CSMD1: variants seen among roughly 807,000 people sequenced by gnomAD.
CSMD1 encodes CUB and Sushi multiple domains 1.
CSMD1 carries 213 observed loss-of-function variants against 417.5 expected under a neutral mutation model. That is an observed-to-expected ratio of 0.51 (90% CI 0.46 to 0.57). The LOEUF is 0.57. CSMD1 is among the 20% of genes least tolerant of loss of function. The pLI, the probability that CSMD1 is intolerant of heterozygous loss-of-function variation, is 0.00. For synonymous variants in CSMD1, 2,862 were observed against 1,736.8 expected (o/e 1.65, Z -16.11); for missense variants, 6,923 against 4,529.7 (o/e 1.53, Z -15.17).
intron 49 of CSMD1, among the ~76,000 whole-genome samples, chr8:3,068,284 C>G (rs1052422735): frequency 6.6e-6 from 1 of 152,064 alleles, no homozygotes; most frequent in Non-Finnish European, 1.5e-5. Context: ...TTGAATCCCA[C>G]AGGCTTCAAA....
At chr8:4,236,323 GTAGTT>G (rs1240978761) in intron 3 of CSMD1, among the ~76,000 whole-genome samples, 1 of 152,086 alleles carries the variant, frequency 6.6e-6, no homozygotes, top group African/African-American at 2.4e-5. Flanking sequence ...GTATAGTATA[GTAGTT>G]TAGTGCATGA....
chr8:3,905,877 T>G (rs1456152466), intron 5 of CSMD1, among the ~76,000 whole-genome samples: 1 of 152,230 alleles, frequency 6.6e-6, no homozygotes, highest in East Asian at 1.9e-4. Flanking sequence ...AGCAGAAGGT[T>G]TCTGATCTCT....
intron 1 of CSMD1, among the ~76,000 whole-genome samples, chr8:4,747,193 G>C (rs914214096): frequency 3.9e-5 from 6 of 152,138 alleles, no homozygotes; most frequent in East Asian, 1.9e-4. Flanking sequence ...TTGTTTTCTT[G>C]TCTCTTGGAG....
At chr8:3,678,254 G>C (rs1421556321) in intron 7 of CSMD1, among the ~76,000 whole-genome samples, 2 of 152,178 alleles carry the variant, frequency 1.3e-5, no homozygotes, top group South Asian at 4.1e-4. Flanking sequence ...AAAGGAGGAA[G>C]TTCGAACCCA....
chr8:4,463,173 A>G (rs902824407), intron 2 of CSMD1, among the ~76,000 whole-genome samples: 1 of 152,182 alleles, frequency 6.6e-6, no homozygotes, highest in Non-Finnish European at 1.5e-5. Flanking sequence ...ATGGCCAAGA[A>G]GCCCGTATAA....
At chr8:3,978,905 A>C (rs1028507260) in intron 5 of CSMD1, among the ~76,000 whole-genome samples, 8 of 152,218 alleles carry the variant, frequency 5.3e-5, no homozygotes, top group Non-Finnish European at 1.2e-4. Flanking sequence ...GTGAGAAGAC[A>C]AGGAATTAGC....
chr8:4,933,504 C>G (rs918900230), intron 1 of CSMD1, among the ~76,000 whole-genome samples: 1 of 152,166 alleles, frequency 6.6e-6, no homozygotes, highest in African/African-American at 2.4e-5. Flanking sequence ...TAAATGCCAG[C>G]AGTTGCTCTG....
At position 3,510,736 on chromosome 8, in the gene CSMD1, G is replaced by C. The variant is rs534454230; in HGVS notation, c.1345-17010C>G. Among the ~76,000 whole-genome samples the C allele has an allele frequency of 3.8e-4, 58 of 151,846 alleles. 1 individual carries two copies. Among genetic ancestry groups the C allele is most frequent in the African/African-American group, 1.4e-3 (56 of 41,170 alleles). ...TGAGATGGTATCTCATTGTGGTTTT[G>C]ATTTGCATTTCTGTAATGACCAGTG... On this transcript the variant is annotated intron_variant, in intron 10 of 69. Transcript: ENST00000635120.
At chr8:4,555,859 A>G (rs2130588141) in intron 2 of CSMD1, among the ~76,000 whole-genome samples, 1 of 152,186 alleles carries the variant, frequency 6.6e-6, no homozygotes, top group East Asian at 1.9e-4. Flanking sequence ...AATTATATCT[A>G]AAAGACTGAA....
chr8:3,148,465 A>G (rs937907262), intron 40 of CSMD1, among the ~76,000 whole-genome samples: 1 of 152,182 alleles, frequency 6.6e-6, no homozygotes, highest in African/African-American at 2.4e-5. Flanking sequence ...CTCAGAGGAA[A>G]TCATTCACAT....
At chr8:3,807,450 G>C (rs1305444610) in intron 5 of CSMD1, among the ~76,000 whole-genome samples, 1 of 152,028 alleles carries the variant, frequency 6.6e-6, no homozygotes, top group Non-Finnish European at 1.5e-5. Flanking sequence ...TGTAATGAAA[G>C]GCAAAGATCA....
At chr8:4,211,824 A>C (rs1044815409) in intron 3 of CSMD1, among the ~76,000 whole-genome samples, 1 of 152,198 alleles carries the variant, frequency 6.6e-6, no homozygotes, top group African/African-American at 2.4e-5. Flanking sequence ...ATAATTTTTC[A>C]GTAGGAGTCT....
intron 53 of CSMD1, among the ~76,000 whole-genome samples, chr8:2,999,673 A>C (rs1164272570): frequency 1.3e-5 from 2 of 152,082 alleles, no homozygotes; most frequent in Non-Finnish European, 2.9e-5. Flanking sequence ...AGGAGGAGGA[A>C]TCCATGACAC....
rs111291048 is a variant in CSMD1 at position 3,950,138 on chromosome 8, T to G, written c.818+47765A>C. Among the ~76,000 whole-genome samples, 538 of 152,240 alleles carry G rather than the reference T, an allele frequency of 3.5e-3. 5 individuals carry two copies. The highest frequency in any genetic ancestry group is 0.012 in the African/African-American group (512 of 41,524). On this transcript the variant is annotated intron_variant, in intron 5 of 69. Coordinates refer to ENST00000635120, the MANE Select transcript of CSMD1 (RefSeq NM_033225.6). ...TTAGACACGTTACACTGACCTGCAT[T>G]TATACACCAGCTGACTTACAGAAGA...
chr8:3,051,168 T>A (rs1322345110), intron 50 of CSMD1, among the ~76,000 whole-genome samples: 1 of 152,230 alleles, frequency 6.6e-6, no homozygotes, highest in African/African-American at 2.4e-5. Context: ...TGCAGCGCTA[T>A]TCACAATAGC....
chr8:4,046,489 G>A (rs1047533741), intron 3 of CSMD1, among the ~76,000 whole-genome samples: 2 of 152,162 alleles, frequency 1.3e-5, no homozygotes, highest in South Asian at 2.1e-4. Context: ...CTTTCGGAAA[G>A]GATAAAGCAT....
intron 59 of CSMD1, 82 bp from the exon 60 acceptor site, chr8:2,963,477 T>A: frequency 7.1e-7 from 1 of 1,399,724 alleles, no homozygotes. Flanking sequence ...ATTTTAATTT[T>A]ACCTGAATTA....
At chr8:4,617,745 T>C (rs900127538) in intron 2 of CSMD1, among the ~76,000 whole-genome samples, 7 of 152,122 alleles carry the variant, frequency 4.6e-5, no homozygotes, top group Non-Finnish European at 7.4e-5. Flanking sequence ...TTGTTTAATT[T>C]CCTATTTGGC....
intron 3 of CSMD1, among the ~76,000 whole-genome samples, chr8:4,309,958 A>G (rs1798468178): frequency 1.3e-5 from 2 of 152,150 alleles, no homozygotes; most frequent in South Asian, 2.1e-4. Flanking sequence ...AGTTACCCCT[A>G]TTTTTACATA....
Sources: gnomAD v4.1 joint callset for allele counts (sites outside exome capture counted in the v4.1 genomes callset) on GRCh38, gnomAD v4.1.1 for gene constraint, MANE v1.5 for transcripts, NCBI Gene and HGNC (gene_info 2026-07-23, HGNC 2026-07-21) for gene names.